Variants in NADK2 observed in about 807,000 individuals in gnomAD.
The protein encoded by NADK2 is NAD kinase domain-containing protein 1, mitochondrial.
Under a neutral mutation model 62.1 loss-of-function variants are expected in NADK2, and 35 were observed. The observed-to-expected ratio is 0.56, with a 90% confidence interval of 0.43 to 0.75. The LOEUF (loss-of-function observed/expected upper bound fraction) is 0.75. NADK2 is among the 30% of genes least tolerant of loss of function. The pLI is 0.00. For missense variants in NADK2, 439 were observed against 561.3 expected (o/e 0.78, Z 2.20); for synonymous variants, 205 against 207.9 (o/e 0.99, Z 0.12).
Position 36,231,162 on chromosome 5 carries a change from C to T in NADK2, c.301-3597G>A, listed in dbSNP as rs574228820. Reference sequence around the variant, plus strand: ...TTTATGCTTACTTCCTGGCTCTCGGCAAGCCCCAGGAAAATAAGATACATG... The same window carrying T: ...TTTATGCTTACTTCCTGGCTCTCGGTAAGCCCCAGGAAAATAAGATACATG... On this transcript the variant is annotated intron_variant, in intron 1 of 11. Coordinates refer to ENST00000381937, the MANE Select transcript of NADK2 (RefSeq NM_001085411.3). Among the ~76,000 whole-genome samples, 129 of 152,248 alleles carry T rather than the reference C, an allele frequency of 8.5e-4. 3 individuals carry two copies. In the South Asian group the frequency reaches 0.026, roughly 31 times the overall value.
chr5:36,241,236 G>A lies in NADK2; in HGVS notation c.300+263C>T, dbSNP rs1327492755. The A allele has an allele frequency of 6.0e-6, 3 of 498,686 alleles. No individual in the cohort carries two copies. Among genetic ancestry groups the A allele is most frequent in the Non-Finnish European group, 9.0e-6 (3 of 334,550 alleles). The allele number at this position is 498,686 out of a possible 1,614,324, so 30.9% of individuals were successfully genotyped here. ...GCAGCCCCTCTTCGCCCTCCCCGCG[G>A]CGCCCCTGCCTCCTAAGTCCCTGCA... On this transcript the variant is annotated intron_variant, in intron 1 of 11. Transcript: ENST00000381937. The surrounding 1 kb of genome is among the most constrained non-coding windows in gnomAD (Gnocchi z 4.9).
chr5:36,197,762 C>T, intron 10 of NADK2, 98 bp from the exon 11 acceptor site: 2 of 1,055,870 alleles, frequency 1.9e-6, no homozygotes, highest in African/African-American at 1.7e-5. Flanking sequence ...AAATTCTGTT[C>T]CAAAAGTATA....
chr5:36,211,701 T>C, intron 7 of NADK2, 143 bp downstream of exon 7: 1 of 683,030 alleles, frequency 1.5e-6, no homozygotes, highest in Non-Finnish European at 2.5e-6. Context: ...TATGAAGGTT[T>C]TGGAAATATT....
chr5:36,196,898 A>T (rs575466995), intron 11 of NADK2, among the ~76,000 whole-genome samples: 1 of 152,186 alleles, frequency 6.6e-6, no homozygotes, highest in Non-Finnish European at 1.5e-5. Context: ...ATGTCTATAA[A>T]AAGAAAATAT....
chr5:36,235,907 A>ATAT (rs559680458), intron 1 of NADK2, among the ~76,000 whole-genome samples: 2 of 2,112 alleles, frequency 9.5e-4, no homozygotes, highest in East Asian at 2.4e-3. Flanking sequence ...ATATATATAT[A>ATAT]AAAAATAAAT....
At chr5:36,226,291 C>T (rs889672014) in intron 3 of NADK2, among the ~76,000 whole-genome samples, 184 bp downstream of exon 3, 18 of 152,048 alleles carry the variant, frequency 1.2e-4, no homozygotes, top group African/African-American at 4.8e-5. Context: ...CTCATAGTAA[C>T]GTCATTCATT....
chr5:36,210,433 T>C (rs1218846507), intron 7 of NADK2, among the ~76,000 whole-genome samples: 3 of 152,190 alleles, frequency 2.0e-5, no homozygotes, highest in Non-Finnish European at 4.4e-5. Context: ...ATTTTTGCAA[T>C]AATGGTTATA....
At chr5:36,225,380 A>G (rs1195851676) in intron 4 of NADK2, among the ~76,000 whole-genome samples, 162 bp downstream of exon 4, 3 of 152,182 alleles carry the variant, frequency 2.0e-5, no homozygotes, top group Admixed American at 2.0e-4. Flanking sequence ...GAGCCCAAGA[A>G]TGTGAACATG....
At chr5:36,217,417 A>G (rs115695078) in intron 6 of NADK2, among the ~76,000 whole-genome samples, 3,542 of 152,186 alleles carry the variant, frequency 0.023, 140 homozygotes, top group African/African-American at 0.08. Flanking sequence ...TCTTCCACAG[A>G]TTAGCTCATT....
At position 36,195,058 on chromosome 5, in the gene NADK2, CA is replaced by C; in HGVS notation, c.*85del. 1 of 1,461,570 alleles carries C rather than the reference CA, an allele frequency of 6.8e-7. No individual in the cohort carries two copies. The highest frequency in any genetic ancestry group is 1.4e-5 in the South Asian group (1 of 69,610). The allele number at this position is 1,461,570 out of a possible 1,614,324, so 90.5% of individuals were successfully genotyped here. Reference sequence around the variant, plus strand: ...ACGGGCAAGCAGTCTCAACAATAACCAAAAAATGTCACTTTACGACTGGTAG... The same window carrying C: ...ACGGGCAAGCAGTCTCAACAATAACCAAAAATGTCACTTTACGACTGGTAG... On this transcript the variant is annotated 3_prime_UTR_variant, in exon 12 of 12. Coordinates refer to ENST00000381937, the MANE Select transcript of NADK2 (RefSeq NM_001085411.3).
chr5:36,204,826 TA>T (rs1232268373), intron 8 of NADK2, among the ~76,000 whole-genome samples: 15 of 151,978 alleles, frequency 9.9e-5, no homozygotes, highest in African/African-American at 2.9e-4. Flanking sequence ...CAAAAGTAGA[TA>T]GGGGTACAGA....
At chr5:36,208,332 T>C (rs574266770) in intron 7 of NADK2, among the ~76,000 whole-genome samples, 4 of 152,046 alleles carry the variant, frequency 2.6e-5, no homozygotes. Context: ...TATGTCTTCC[T>C]AGAAAACACA....
rs545521805 is a variant in NADK2 at position 36,233,572 on chromosome 5, GCATTAT to G, written c.301-6013_301-6008del. Among the ~76,000 whole-genome samples the G allele has an allele frequency of 3.5e-3, 533 of 152,228 alleles. 1 individual carries two copies. The highest frequency in any genetic ancestry group is 0.014 in the Middle Eastern group (4 of 292). On this transcript the variant is annotated intron_variant, in intron 1 of 11. Transcript: ENST00000381937. ...GGTCACAATTTAACGATCACAGCCA[GCATTAT>G]CATTAACTAGAAAATAAAACATACT...
intron 9 of NADK2, among the ~76,000 whole-genome samples, chr5:36,200,629 T>C (rs1047954220): frequency 6.6e-6 from 1 of 151,948 alleles, no homozygotes; most frequent in African/African-American, 2.4e-5. Context: ...AGTAGCATGG[T>C]AAAATCTCAC....
At chr5:36,222,228 A>G (rs1747298040) in intron 4 of NADK2, among the ~76,000 whole-genome samples, 1 of 152,106 alleles carries the variant, frequency 6.6e-6, no homozygotes, top group Admixed American at 6.6e-5. Context: ...GGAACTTTTG[A>G]CAAAAGCACA....
intron 4 of NADK2, among the ~76,000 whole-genome samples, chr5:36,220,728 GAGA>G (rs1315804083): frequency 6.6e-6 from 1 of 152,226 alleles, no homozygotes; most frequent in Non-Finnish European, 1.5e-5. Context: ...CCCTTGCAGA[GAGA>G]AGACTTTCTC....
chr5:36,224,567 AAAAAG>A (rs1747408199), intron 4 of NADK2, among the ~76,000 whole-genome samples: 1 of 151,822 alleles, frequency 6.6e-6, no homozygotes, highest in African/African-American at 2.4e-5. Flanking sequence ...AAAAAAAAAA[AAAAAG>A]AAAGAAAGAA....
rs552865330 is a variant in NADK2, at chr5:36,211,512, G to A, written c.860+332C>T. Among the ~76,000 whole-genome samples, 385 of 150,616 alleles carry A rather than the reference G, an allele frequency of 2.6e-3. 3 individuals carry two copies. The highest frequency in any genetic ancestry group is 9.1e-3 in the African/African-American group (372 of 40,952). On this transcript the variant is annotated intron_variant, in intron 7 of 11. Transcript: ENST00000381937. ...AGAGGTTGAAGTGAGCCAAGATCAC[G>A]CCACTGCAATCCAGCCTGGGCGACA...
chr5:36,208,655 A>C, intron 7 of NADK2: 2 of 1,533,944 alleles, frequency 1.3e-6, no homozygotes, highest in Non-Finnish European at 1.7e-6. Context: ...ACTTCTTCTT[A>C]AATTGTCCAC....
Sources: allele counts gnomAD v4.1 joint callset (sites outside exome capture counted in the v4.1 genomes callset), GRCh38; gene constraint gnomAD v4.1.1; non-coding constraint Gnocchi (gnomAD v3.1); transcripts MANE v1.5; gene names NCBI Gene and HGNC (gene_info 2026-07-23, HGNC 2026-07-21).